Variants in CSMD1 observed in about 807,000 individuals in gnomAD.
CSMD1 encodes CUB and Sushi multiple domains 1.
In CSMD1, 213 loss-of-function variants were observed where a neutral mutation model predicts 417.5. That is an observed-to-expected ratio of 0.51 (90% CI 0.46 to 0.57). The LOEUF (loss-of-function observed/expected upper bound fraction) is 0.57. Among genes scored for constraint, CSMD1 ranks in the 20% least tolerant of loss-of-function variants. The pLI is 0.00. For missense variants in CSMD1, 6,923 were observed against 4,529.7 expected, an observed-to-expected ratio of 1.53 and a Z score of -15.17; for synonymous variants, 2,862 against 1,736.8, an observed-to-expected ratio of 1.65 and a Z score of -16.11.
chr8:3,344,656 A>G (rs1324532989), intron 22 of CSMD1, among the ~76,000 whole-genome samples: 2 of 152,182 alleles, frequency 1.3e-5, no homozygotes, highest in Non-Finnish European at 2.9e-5. Context: ...AAAATTAAAC[A>G]GAGTCTTAGT....
At chr8:3,983,882 G>A (rs1286857046) in intron 5 of CSMD1, among the ~76,000 whole-genome samples, 3 of 151,794 alleles carry the variant, frequency 2.0e-5, no homozygotes, top group Non-Finnish European at 2.9e-5. Context: ...AGATCTAATG[G>A]GACTGTCAAT....
intron 42 of CSMD1, among the ~76,000 whole-genome samples, chr8:3,110,660 C>T (rs1429815304): frequency 2.0e-5 from 3 of 152,190 alleles, no homozygotes; most frequent in African/African-American, 4.8e-5. Context: ...ATCTGAGTGT[C>T]CAGCACAATG....
chr8:4,417,712 G>C (rs1010122431), intron 3 of CSMD1, among the ~76,000 whole-genome samples: 1 of 151,830 alleles, frequency 6.6e-6, no homozygotes, highest in Non-Finnish European at 1.5e-5. Flanking sequence ...GAAATCTGAG[G>C]TATCAGAAAG....
chr8:3,221,542 A>AAAC (rs1426960067), intron 28 of CSMD1, among the ~76,000 whole-genome samples: 2 of 151,788 alleles, frequency 1.3e-5, no homozygotes, highest in African/African-American at 4.8e-5. Flanking sequence ...ACAAACAAAC[A>AAAC]AACAAACAAA....
chr8:3,594,189 G>A (rs1003498201), intron 8 of CSMD1, among the ~76,000 whole-genome samples: 2 of 152,018 alleles, frequency 1.3e-5, no homozygotes, highest in African/African-American at 4.8e-5. Flanking sequence ...ACTCATTTAC[G>A]GCCGTCCCCA....
intron 32 of CSMD1, 141 bp from the exon 33 acceptor site, chr8:3,199,950 C>T (rs888861648): frequency 1.7e-6 from 1 of 584,014 alleles, no homozygotes; most frequent in Non-Finnish European, 3.1e-6. Flanking sequence ...GTTTAAAACT[C>T]AAATATGTTG....
intron 25 of CSMD1, among the ~76,000 whole-genome samples, chr8:3,285,600 A>T (rs116133627): frequency 0.2 from 30,134 of 151,738 alleles, 3,004 homozygotes; most frequent in Middle Eastern, 0.23. Context: ...GGTTTCACCA[A>T]GTTGACCAGG....
At chr8:4,741,033 A>G (rs892621974) in intron 1 of CSMD1, among the ~76,000 whole-genome samples, 1 of 152,224 alleles carries the variant, frequency 6.6e-6, no homozygotes, top group Non-Finnish European at 1.5e-5. Context: ...AGTCCTAGTA[A>G]TTGCTTTAAT....
intron 1 of CSMD1, among the ~76,000 whole-genome samples, chr8:4,718,421 C>A (rs545675794): frequency 1.3e-5 from 2 of 152,172 alleles, no homozygotes; most frequent in South Asian, 2.1e-4. Context: ...ACCACTAAAA[C>A]CAGGCTGATT....
At chr8:4,143,402 T>G (rs949820807) in intron 3 of CSMD1, among the ~76,000 whole-genome samples, 1 of 149,208 alleles carries the variant, frequency 6.7e-6, no homozygotes, top group African/African-American at 2.5e-5. Flanking sequence ...CAGACTAAGT[T>G]AATTAGGTGG....
At chr8:4,742,156 G>C (rs367750033) in intron 1 of CSMD1, among the ~76,000 whole-genome samples, 1 of 150,176 alleles carries the variant, frequency 6.7e-6, no homozygotes, top group African/African-American at 2.4e-5. Flanking sequence ...TCAGCCTCCC[G>C]AGTAGCTGGG....
chr8:4,578,115 T>C (rs1359918015), intron 2 of CSMD1, among the ~76,000 whole-genome samples: 1 of 152,112 alleles, frequency 6.6e-6, no homozygotes, highest in Non-Finnish European at 1.5e-5. Context: ...GCAATTTTAA[T>C]CTATACTCAA....
intron 3 of CSMD1, among the ~76,000 whole-genome samples, chr8:4,054,774 T>C (rs1319603319): frequency 6.6e-6 from 1 of 152,118 alleles, no homozygotes; most frequent in East Asian, 1.9e-4. Flanking sequence ...TGATGACATC[T>C]ACCTTCAAGT....
At position 3,804,413 on chromosome 8, in the gene CSMD1, G is replaced by A. The variant is rs567472106; in HGVS notation, c.819-50371C>T. ...ATAAAAAATACATTAATTAAATTTTGTTCCAGAAAATGAAAAATACTATTT... is the reference window on the plus strand; with the variant it reads ...ATAAAAAATACATTAATTAAATTTTATTCCAGAAAATGAAAAATACTATTT... On this transcript the variant is annotated intron_variant, in intron 5 of 69. Coordinates refer to ENST00000635120, the MANE Select transcript of CSMD1 (RefSeq NM_033225.6). Among the ~76,000 whole-genome samples the A allele has an allele frequency of 1.0e-3, 157 of 152,186 alleles. 1 individual carries two copies. Among genetic ancestry groups the A allele is most frequent in the African/African-American group, 3.6e-3 (151 of 41,552 alleles).
intron 12 of CSMD1, among the ~76,000 whole-genome samples, chr8:3,462,161 G>T (rs183840409): frequency 1.3e-5 from 2 of 151,818 alleles, no homozygotes; most frequent in African/African-American, 4.8e-5. Context: ...GACCCACACT[G>T]CATTTCTTTT....
chr8:4,735,649 C>T (rs144854482), intron 1 of CSMD1, among the ~76,000 whole-genome samples: 92 of 152,290 alleles, frequency 6.0e-4, no homozygotes, highest in African/African-American at 2.2e-3. Context: ...TAGAAGCTAG[C>T]ACGCACTGAT....
intron 54 of CSMD1, among the ~76,000 whole-genome samples, chr8:2,994,348 C>G (rs535117491): frequency 6.6e-6 from 1 of 152,014 alleles, no homozygotes; most frequent in African/African-American, 2.4e-5. Flanking sequence ...TTCAGAGTAA[C>G]ATTGCCTTGC....
At chr8:4,753,667 C>T (rs1811488231) in intron 1 of CSMD1, among the ~76,000 whole-genome samples, 1 of 152,164 alleles carries the variant, frequency 6.6e-6, no homozygotes, top group South Asian at 2.1e-4. Context: ...GCCTTCTTCT[C>T]AGGTTCCCTG....
intron 11 of CSMD1, among the ~76,000 whole-genome samples, chr8:3,478,195 C>G (rs1401287932): frequency 1.3e-5 from 2 of 152,306 alleles, no homozygotes; most frequent in South Asian, 4.1e-4. Context: ...GACTTAACAT[C>G]AATCATTTAC....
Sources: gnomAD v4.1 joint callset for allele counts (sites outside exome capture counted in the v4.1 genomes callset) on GRCh38, gnomAD v4.1.1 for gene constraint, MANE v1.5 for transcripts, NCBI Gene and HGNC (gene_info 2026-07-23, HGNC 2026-07-21) for gene names.